The following GAB1 variants were observed in gnomAD, a reference collection of about 807,000 sequenced individuals.
The protein encoded by GAB1 is GRB2-associated-binding protein 1.
Under a neutral mutation model 66.5 loss-of-function variants are expected in GAB1, and 19 were observed. The ratio of observed to expected loss-of-function variants is 0.29; its 90% CI spans 0.20 to 0.42. The LOEUF is 0.42. GAB1 is among the 10% of genes least tolerant of loss of function. The probability of loss-of-function intolerance (pLI) is 1.00; values close to 1 mark genes in which losing one functional copy is unlikely to be tolerated. For missense variants in GAB1, 732 were observed against 858.5 expected (o/e 0.85, Z 1.84); for synonymous variants, 294 against 301.4 (o/e 0.98, Z 0.25).
rs1560706601 is a variant in GAB1 at position 143,337,145 on chromosome 4, GC to G, written c.-42del. On this transcript the variant is annotated 5_prime_UTR_variant, in exon 1 of 10. Coordinates refer to ENST00000262994, the MANE Select transcript of GAB1 (RefSeq NM_002039.4). ...CGTCGGCTGTGTCGGGAGCGCGCCCGCCGCCCCTCAGCTGCCCGGCCCGGAG... is the reference window on the plus strand; with the variant it reads ...CGTCGGCTGTGTCGGGAGCGCGCCCGCGCCCCTCAGCTGCCCGGCCCGGAG... The G allele has an allele frequency of 6.5e-7, 1 of 1,534,148 alleles. No individual in the cohort carries two copies. The highest frequency in any genetic ancestry group is 1.2e-5 in the South Asian group (1 of 83,444).
At position 143,438,458 on chromosome 4, in the gene GAB1, T is replaced by C. The variant is rs773398704; in HGVS notation, c.1053T>C (p.Ala351=). 35 of 1,613,698 alleles carry C rather than the reference T, an allele frequency of 2.2e-5. No homozygotes were observed. The highest frequency in any genetic ancestry group is 3.0e-5 in the Non-Finnish European group (35 of 1,179,926). ...PPPRPPKPHP[A]HDRSPVETCS... The stretch of plus-strand genomic sequence containing the variant: ...CTCGGCCACCGAAACCACATCCAGC[T>C]CATGACCGATCTCCTGTGGAAACGT... Residue 351 remains alanine (A), a synonymous_variant, in exon 4 of 10, where the codon GCT becomes GCC. Coordinates refer to ENST00000262994, the MANE Select transcript of GAB1 (RefSeq NM_002039.4).
At chr4:143,354,836 TATA>T (rs1729377727) in intron 1 of GAB1, among the ~76,000 whole-genome samples, 1 of 152,236 alleles carries the variant, frequency 6.6e-6, no homozygotes, top group Non-Finnish European at 1.5e-5. Flanking sequence ...AATACTCTTT[TATA>T]GTAGCTTTTA....
Position 143,366,988 on chromosome 4 carries a change from A to T in GAB1, c.72+29728A>T, listed in dbSNP as rs76175423. 1.1e-4 allele frequency among the ~76,000 whole-genome samples: 16 copies of T among 151,954 alleles called. No homozygotes were observed. The East Asian group carries it at 2.9e-3, about 28-fold the overall frequency. On this transcript the variant is annotated intron_variant, in intron 1 of 9. Transcript: ENST00000262994. ...TTTTTTCCCAAATTTTTTCCCCTTG[A>T]TTGAATAACAGTGTTTACTGTATTC...
At chr4:143,445,914 G>A (rs1345145696) in intron 6 of GAB1, among the ~76,000 whole-genome samples, 2 of 152,054 alleles carry the variant, frequency 1.3e-5, no homozygotes, top group Admixed American at 6.6e-5. Flanking sequence ...TTTAACATTA[G>A]GTATATCTCC....
In GAB1 at chr4:143,460,592, G is replaced by GA. The variant is rs1178762601; in HGVS notation, c.1803+110dup. On this transcript the variant is annotated intron_variant, in intron 8 of 9. Coordinates refer to ENST00000262994, the MANE Select transcript of GAB1 (RefSeq NM_002039.4). ...TATCCTCGTATCTTTATATACTTAA[G>GA]AAAAAGCAGTAAAAGACAACTTTTA... 2.8e-5 allele frequency: 28 copies of GA among 984,856 alleles called. No homozygotes were observed. In the African/African-American group the frequency reaches 4.2e-4, roughly 15 times the overall value. The allele number at this position is 984,856 out of a possible 1,614,324, so 61.0% of individuals were successfully genotyped here.
In GAB1 at chr4:143,433,503, C is replaced by T. The variant is rs1442569160; in HGVS notation, c.380C>T (p.Pro127Leu). The T allele has an allele frequency of 1.9e-6, 3 of 1,613,530 alleles. No homozygotes were observed. The highest frequency in any genetic ancestry group is 2.7e-5 in the African/African-American group (2 of 74,868). ...TTTGGTGTTGCAGATCCTGTGAAGC[C>T]ACCTGGCAGCTCTTTACAAGCACCA... is the stretch of plus-strand genomic sequence containing the variant. ...FNPTEEDPVKPPGSSLQAPAD... is the reference protein window; with the variant it reads ...FNPTEEDPVKLPGSSLQAPAD... The change falls in exon 3 of 10, where the codon CCA (proline) becomes CTA (leucine). Residue 127 changes from proline to leucine, a missense_variant. Pro to Leu is a moderately conservative substitution (Grantham distance 98, BLOSUM62 -3). This residue lies in a region of GAB1 where 427 missense variants were observed against 420.6 expected (regional missense o/e 1.02). Transcript: ENST00000262994.
chr4:143,469,236 G>A lies in GAB1; in HGVS notation c.*47G>A, dbSNP rs1457139643. On this transcript the variant is annotated 3_prime_UTR_variant, in exon 10 of 10. Transcript: ENST00000262994. ...GAACAAAAGAAAACTGAATTGTAAA[G>A]ATAAATCCCTTTTGAAGAATGACTT... 6.3e-7 allele frequency: 1 copy of A among 1,587,330 alleles called. No homozygotes were observed. Among genetic ancestry groups the A allele is most frequent in the Admixed American group, 1.7e-5 (1 of 58,560 alleles).
At chr4:143,428,378 A>T (rs1438196180) in intron 2 of GAB1, among the ~76,000 whole-genome samples, 1 of 152,136 alleles carries the variant, frequency 6.6e-6, no homozygotes, top group African/African-American at 2.4e-5. Flanking sequence ...AGGGAGAGAA[A>T]AGGATGTCTT....
At chr4:143,451,183 A>T (rs1213102421) in intron 6 of GAB1, among the ~76,000 whole-genome samples, 1 of 152,150 alleles carries the variant, frequency 6.6e-6, no homozygotes, top group Non-Finnish European at 1.5e-5. Flanking sequence ...AGCTCCCCTG[A>T]GGAAAGTCTG....
At chr4:143,438,967 A>G (rs749335793) in intron 4 of GAB1, among the ~76,000 whole-genome samples, 9 of 152,152 alleles carry the variant, frequency 5.9e-5, no homozygotes, top group South Asian at 2.1e-4. Context: ...TTTGTGTGCC[A>G]TTATGGCCGC....
At chr4:143,349,800 G>A in intron 1 of GAB1, 1 of 1,587,594 alleles carries the variant, frequency 6.3e-7, no homozygotes. Context: ...TCGTGCGCTG[G>A]CCGGCACGGG....
Position 143,433,521 on chromosome 4 carries a change from A to T in GAB1, c.398A>T (p.Gln133Leu). 6.2e-7 allele frequency: 1 copy of T among 1,613,940 alleles called. No homozygotes were observed. The highest frequency in any genetic ancestry group is 1.3e-5 in the African/African-American group (1 of 75,028). ...DPVKPPGSSLQAPADLPLAIN... is the reference protein window; with the variant it reads ...DPVKPPGSSLLAPADLPLAIN... ...GTGAAGCCACCTGGCAGCTCTTTAC[A>T]AGCACCAGCTGATTTACCTTTAGCT... The change falls in exon 3 of 10, where the codon CAA (glutamine) becomes CTA (leucine). Residue 133 changes from glutamine to leucine, a missense_variant. By Grantham distance (113) the Gln-to-Leu change is moderately radical (BLOSUM62 -2). Coordinates refer to ENST00000262994, the MANE Select transcript of GAB1 (RefSeq NM_002039.4).
At chr4:143,361,582 TTATCAGC>T (rs897069050) in intron 1 of GAB1, among the ~76,000 whole-genome samples, 2 of 152,232 alleles carry the variant, frequency 1.3e-5, no homozygotes, top group Non-Finnish European at 2.9e-5. Flanking sequence ...CCTTGGCAGC[TTATCAGC>T]CAGGATCAAT....
rs752454452 is a variant in GAB1 at position 143,459,477 on chromosome 4, G to C, written c.1678G>C (p.Asp560His). Residue 560 changes from aspartate to histidine, a missense_variant and splice_region_variant, in exon 7 of 10, where the codon GAC (aspartate) becomes CAC (histidine). Physicochemically the swap from Asp to His is moderately conservative, Grantham distance 81 (BLOSUM62 -1). This residue lies in a region of GAB1 where 204 missense variants were observed against 276.8 expected (regional missense o/e 0.74). Coordinates refer to ENST00000262994, the MANE Select transcript of GAB1 (RefSeq NM_002039.4). Reference sequence around the variant, plus strand: ...TCCCATCACTAGGAGTTTTGCTCGAGAGTAAGTCCTTTGTCTAAAATATGT... The same window carrying C: ...TCCCATCACTAGGAGTTTTGCTCGACAGTAAGTCCTTTGTCTAAAATATGT... Reference protein sequence around the residue: ...RSPITRSFARDSSRFPMSPRP... With the variant: ...RSPITRSFARHSSRFPMSPRP... 6.7e-7 allele frequency: 1 copy of C among 1,497,358 alleles called. No homozygotes were observed. The highest frequency in any genetic ancestry group is 9.3e-7 in the Non-Finnish European group (1 of 1,073,980). The allele number at this position is 1,497,358 out of a possible 1,614,324, so 92.8% of individuals were successfully genotyped here. A position where few individuals can be genotyped will look rare whatever the true frequency, so the allele number is the denominator to read the frequency against.
At chr4:143,451,911 A>T (rs542679244) in intron 6 of GAB1, among the ~76,000 whole-genome samples, 20 of 149,900 alleles carry the variant, frequency 1.3e-4, no homozygotes, top group Admixed American at 7.3e-4. Flanking sequence ...AAAAAAAAAA[A>T]TCAGACAAAC....
rs3805235 is a variant in GAB1 at position 143,437,399 on chromosome 4, G to A, written c.594-600G>A. On this transcript the variant is annotated intron_variant, in intron 3 of 9. Transcript: ENST00000262994. ...TTGGAGTTGGTTAACTCTGTATCAC[G>A]TATTTCGATCCTCTTTATAATGTTG... Among the ~76,000 whole-genome samples, 54 of 152,284 alleles carry A rather than the reference G, an allele frequency of 3.5e-4. 1 individual carries two copies. In the East Asian group the frequency reaches 8.5e-3, roughly 24 times the overall value.
intron 1 of GAB1, among the ~76,000 whole-genome samples, chr4:143,375,423 G>C (rs144041609): frequency 4.6e-5 from 7 of 152,276 alleles, no homozygotes; most frequent in African/African-American, 1.7e-4. Context: ...CCGTATCTGA[G>C]CACTTGCCAC....
rs144290850 is a variant in GAB1, at chr4:143,396,354, T to C, written c.73-19123T>C. 1.7e-3 allele frequency among the ~76,000 whole-genome samples: 264 copies of C among 152,324 alleles called. 1 individual carries two copies. The highest frequency in any genetic ancestry group is 6.0e-3 in the African/African-American group (248 of 41,566). ...GTTACAGAACAGACTGTAAATGTTA[T>C]AAACCTTGAAAATGTAAACTATAGA... is the stretch of plus-strand genomic sequence containing the variant. On this transcript the variant is annotated intron_variant, in intron 1 of 9. Coordinates refer to ENST00000262994, the MANE Select transcript of GAB1 (RefSeq NM_002039.4).
intron 1 of GAB1, among the ~76,000 whole-genome samples, chr4:143,410,929 T>C (rs1012940681): frequency 3.3e-5 from 5 of 152,270 alleles, no homozygotes; most frequent in Non-Finnish European, 7.4e-5. Flanking sequence ...TACATTCAAA[T>C]GCACAGATGT....
Sources: allele counts gnomAD v4.1 joint callset (sites outside exome capture counted in the v4.1 genomes callset), GRCh38; gene constraint gnomAD v4.1.1; regional missense constraint gnomAD v4.1.1; transcripts MANE v1.5; gene names NCBI Gene and HGNC (gene_info 2026-07-23, HGNC 2026-07-21).